Variants in SACS observed in about 807,000 individuals in gnomAD.
SACS encodes the protein sacsin.
A neutral mutation model predicts 348.0 loss-of-function variants in SACS; 197 were observed. The observed-to-expected ratio is 0.57, with a 90% confidence interval of 0.50 to 0.64. SACS has a LOEUF of 0.64. Among genes scored for constraint, SACS ranks in the 30% least tolerant of loss-of-function variants. The pLI, the probability that SACS is intolerant of heterozygous loss-of-function variation, is 0.00. For synonymous variants in SACS, 1,985 were observed against 1,910.6 expected, an observed-to-expected ratio of 1.04 and a Z score of -1.02; for missense variants, 4,999 against 5,360.8, an observed-to-expected ratio of 0.93 and a Z score of 2.11.
intron 3 of SACS, chr13:23,373,910 A>C (rs1871568323): frequency 6.5e-6 from 1 of 152,916 alleles, no homozygotes; most frequent in African/African-American, 2.4e-5. Context: ...CTCCTCTGCA[A>C]TGTAGGGGCT....
At chr13:23,395,314 G>T (rs1342611482) in intron 2 of SACS, among the ~76,000 whole-genome samples, 1 of 152,120 alleles carries the variant, frequency 6.6e-6, no homozygotes, top group Non-Finnish European at 1.5e-5. Flanking sequence ...CACCACTAGG[G>T]CCACTAGGGC....
chr13:23,395,044 T>C (rs1016634616), intron 2 of SACS, among the ~76,000 whole-genome samples: 16 of 152,162 alleles, frequency 1.1e-4, no homozygotes, highest in Admixed American at 6.5e-4. Context: ...ATTCTTAAGA[T>C]TGAGTATACT....
At chr13:23,351,633 T>C (rs1869965129) in intron 9 of SACS, among the ~76,000 whole-genome samples, 1 of 152,206 alleles carries the variant, frequency 6.6e-6, no homozygotes, top group South Asian at 2.1e-4. Context: ...ATTTACAAAT[T>C]ACCCAGTCTC....
intron 4 of SACS, among the ~76,000 whole-genome samples, chr13:23,368,875 AT>A (rs1055904466): frequency 5.9e-5 from 9 of 151,708 alleles, no homozygotes; most frequent in African/African-American, 9.7e-5. Flanking sequence ...ATTTTTTTGT[AT>A]TTTTAGTAGA....
At chr13:23,351,255 C>T (rs1269438710) in intron 9 of SACS, among the ~76,000 whole-genome samples, 1 of 152,134 alleles carries the variant, frequency 6.6e-6, no homozygotes, top group African/African-American at 2.4e-5. Context: ...CTGGAACACA[C>T]AGATAAAAAT....
At chr13:23,431,779 C>T (rs1874443037) in intron 1 of SACS, among the ~76,000 whole-genome samples, 1 of 152,222 alleles carries the variant, frequency 6.6e-6, no homozygotes, top group Non-Finnish European at 1.5e-5. Flanking sequence ...GTGTTTCGTG[C>T]ATAGCAAGAA....
chr13:23,337,151 G>A lies in SACS; in HGVS notation c.6725C>T (p.Ala2242Val), dbSNP rs907678175. Residue 2242 changes from alanine to valine, a missense_variant, in exon 10 of 10, where the codon GCA becomes GTA. Transcript: ENST00000382292. ...NSFKPETMFAATDLYTAEHQD... is the reference protein window; with the variant it reads ...NSFKPETMFAVTDLYTAEHQD... ...ATGTTCAGCTGTATAAAGGTCAGTT[G>A]CTGCAAACATGGTTTCAGGCTTAAA... The A allele has an allele frequency of 1.2e-6, 2 of 1,613,842 alleles. No homozygotes were observed. The highest frequency in any genetic ancestry group is 1.7e-6 in the Non-Finnish European group (2 of 1,179,904).
Position 23,329,404 on chromosome 13 carries a change from T to C in SACS, c.*732A>G. 1 of 759,026 alleles carries C rather than the reference T, an allele frequency of 1.3e-6. No homozygotes were observed. The highest frequency in any genetic ancestry group is 2.4e-6 in the Non-Finnish European group (1 of 411,354). 47.0% of individuals were successfully genotyped at this position (759,026 alleles called of 1,614,324 possible). ...ATAAATGTTGTCTTGGCAAGCAGTT[T>C]CCAGAAACAATACTAACAACTGGTA... On this transcript the variant is annotated 3_prime_UTR_variant, in exon 10 of 10. Transcript: ENST00000382292.
intron 9 of SACS, among the ~76,000 whole-genome samples, chr13:23,341,920 G>A (rs901456334): frequency 2.6e-5 from 4 of 151,264 alleles, no homozygotes; most frequent in Non-Finnish European, 4.4e-5. Flanking sequence ...CCGAGTAGCT[G>A]GGACTACAAG....
chr13:23,388,287 T>C (rs1199094467), intron 2 of SACS, among the ~76,000 whole-genome samples: 2 of 150,132 alleles, frequency 1.3e-5, no homozygotes, highest in African/African-American at 4.9e-5. Flanking sequence ...TGAGCCGAGA[T>C]TGCGCCACTG....
chr13:23,381,355 G>GCACACACACACACACACA lies in SACS; in HGVS notation c.21-6104_21-6087dup, dbSNP rs71100174. Among the ~76,000 whole-genome samples, 23 of 140,072 alleles carry GCACACACACACACACACA rather than the reference G, an allele frequency of 1.6e-4. No individual in the cohort carries two copies. The South Asian group carries it at 2.2e-3, about 13-fold the overall frequency. 91.9% of individuals were successfully genotyped at this position (140,072 alleles called of 152,430 possible). ...TCTGGCTGGACATGGGCAGCACGAA[G>GCACACACACACACACACA]CACACACACACACACACACACACAC... is the stretch of plus-strand genomic sequence containing the variant. On this transcript the variant is annotated intron_variant, in intron 2 of 9. Transcript: ENST00000382292.
Position 23,334,286 on chromosome 13 carries a change from CTAT to C in SACS, c.9587_9589del (p.Tyr3196_Ser3197delinsCys). 1 of 1,601,218 alleles carries C rather than the reference CTAT, an allele frequency of 6.2e-7. No homozygotes were observed. The highest frequency in any genetic ancestry group is 8.5e-7 in the Non-Finnish European group (1 of 1,173,020). Reference sequence around the variant, plus strand: ...AACTTTACAGTTCAATAAAATATTACTATATTTCAAATATAATGTATTCATAAA... The same window carrying C: ...AACTTTACAGTTCAATAAAATATTACATTTCAAATATAATGTATTCATAAA... On this transcript the variant is annotated inframe_deletion, in exon 10 of 10. Transcript: ENST00000382292.
chr13:23,359,397 C>T (rs1251794588), intron 6 of SACS, among the ~76,000 whole-genome samples: 1 of 151,110 alleles, frequency 6.6e-6, no homozygotes, highest in Non-Finnish European at 1.5e-5. Flanking sequence ...GATTAATAAT[C>T]ACCTTGTAAG....
rs893195517 is a variant in SACS, at chr13:23,330,990, T to G, written c.12886A>C (p.Lys4296Gln). 28 of 1,613,970 alleles carry G rather than the reference T, an allele frequency of 1.7e-5. No individual in the cohort carries two copies. Among genetic ancestry groups the G allele is most frequent in the Non-Finnish European group, 2.3e-5 (27 of 1,179,984 alleles). Residue 4296 changes from lysine (K) to glutamine (Q), a missense_variant, in exon 10 of 10, where the codon AAA becomes CAA. Lys to Gln is a moderately conservative substitution (Grantham distance 53). Around this residue, in one of 6 missense-constraint regions of SACS, gnomAD observed 831 missense variants for 941.8 expected, o/e 0.88. Coordinates refer to ENST00000382292, the MANE Select transcript of SACS (RefSeq NM_014363.6). Reference protein sequence around the residue: ...HKTSSKHQSPKKLKVNSLPEI... With the variant: ...HKTSSKHQSPQKLKVNSLPEI... ...GGTAAAGAATTAACCTTAAGCTTTTTGGGGGACTGATGTTTGGAAGAAGTC... is the reference window on the plus strand; with the variant it reads ...GGTAAAGAATTAACCTTAAGCTTTTGGGGGGACTGATGTTTGGAAGAAGTC...
chr13:23,415,805 G>A (rs1873670216), intron 1 of SACS, among the ~76,000 whole-genome samples: 1 of 152,064 alleles, frequency 6.6e-6, no homozygotes, highest in African/African-American at 2.4e-5. Context: ...TAAATAAAAT[G>A]AATACAAAAT....
At chr13:23,358,219 A>G in intron 7 of SACS, 116 bp downstream of exon 7, 1 of 1,085,634 alleles carries the variant, frequency 9.2e-7, no homozygotes, top group Non-Finnish European at 1.4e-6. Flanking sequence ...CTACTGACAG[A>G]AGAATTTGGG....
At chr13:23,371,607 T>C (rs915365760) in intron 3 of SACS, among the ~76,000 whole-genome samples, 1 of 152,214 alleles carries the variant, frequency 6.6e-6, no homozygotes, top group Non-Finnish European at 1.5e-5. Context: ...AAGCTGGCTC[T>C]AAGTTGCTAC....
chr13:23,414,172 C>T (rs953125953), intron 1 of SACS, among the ~76,000 whole-genome samples: 6 of 152,070 alleles, frequency 3.9e-5, no homozygotes, highest in Non-Finnish European at 8.8e-5. Flanking sequence ...GGCGTGGTGG[C>T]GGGCACCTGT....
intron 6 of SACS, among the ~76,000 whole-genome samples, chr13:23,362,648 A>G (rs1870809801): frequency 6.8e-6 from 1 of 147,890 alleles, no homozygotes; most frequent in East Asian, 2.0e-4. Context: ...TGCAGTGGCA[A>G]GATCTCGGCT....
Sources: gnomAD v4.1 joint callset for allele counts (sites outside exome capture counted in the v4.1 genomes callset) on GRCh38, gnomAD v4.1.1 for gene constraint, gnomAD v4.1.1 regional missense constraint, MANE v1.5 for transcripts, NCBI Gene and HGNC (gene_info 2026-07-23, HGNC 2026-07-21) for gene names.